Variants in CCDC85A observed in about 807,000 individuals in gnomAD.
The protein encoded by CCDC85A is coiled-coil domain containing 85A.
CCDC85A carries 38 observed loss-of-function variants against 50.2 expected under a neutral mutation model. The ratio of observed to expected loss-of-function variants is 0.76; its 90% CI spans 0.58 to 0.99. The LOEUF (loss-of-function observed/expected upper bound fraction) is 0.99, where lower values mean the gene tolerates loss of function less well. Among genes scored for constraint, CCDC85A ranks in the 50% least tolerant of loss-of-function variants. CCDC85A has a pLI of 0.00. For synonymous variants in CCDC85A, 366 were observed against 301.4 expected, an observed-to-expected ratio of 1.21 and a Z score of -2.22; for missense variants, 820 against 742.0, an observed-to-expected ratio of 1.11 and a Z score of -1.22.
chr2:56,384,031 T>A (rs973598751), intron 5 of CCDC85A, among the ~76,000 whole-genome samples: 1 of 151,848 alleles, frequency 6.6e-6, no homozygotes, highest in Non-Finnish European at 1.5e-5. Flanking sequence ...ATACATCATT[T>A]TAAAATTTTG....
intron 3 of CCDC85A, among the ~76,000 whole-genome samples, chr2:56,352,517 T>G (rs1427668704): frequency 6.6e-6 from 1 of 152,150 alleles, no homozygotes; most frequent in Non-Finnish European, 1.5e-5. Flanking sequence ...AGCTAATTTT[T>G]GCATTTTTAA....
At chr2:56,248,459 C>T (rs1167782766) in intron 2 of CCDC85A, among the ~76,000 whole-genome samples, 1 of 152,136 alleles carries the variant, frequency 6.6e-6, no homozygotes, top group Non-Finnish European at 1.5e-5. Context: ...CCTTCCTGTG[C>T]TGTCTTCTCT....
intron 2 of CCDC85A, among the ~76,000 whole-genome samples, chr2:56,279,793 C>G (rs912087197): frequency 6.6e-6 from 1 of 152,164 alleles, no homozygotes; most frequent in East Asian, 1.9e-4. Flanking sequence ...AATGACTGAG[C>G]AATATTCCAT....
At chr2:56,201,636 G>A (rs757968657) in intron 2 of CCDC85A, among the ~76,000 whole-genome samples, 6 of 152,018 alleles carry the variant, frequency 3.9e-5, no homozygotes, top group South Asian at 4.1e-4. Flanking sequence ...GCTTTTGGGG[G>A]CATGGTTTGT....
chr2:56,190,986 T>G (rs1369948903), intron 1 of CCDC85A, among the ~76,000 whole-genome samples: 1 of 152,166 alleles, frequency 6.6e-6, no homozygotes, highest in Non-Finnish European at 1.5e-5. Flanking sequence ...CCCTGATGCC[T>G]CTCAGACCCC....
chr2:56,303,893 A>G (rs2104199783), intron 2 of CCDC85A, among the ~76,000 whole-genome samples: 1 of 152,294 alleles, frequency 6.6e-6, no homozygotes, highest in South Asian at 2.1e-4. Flanking sequence ...GTTAGGAGCT[A>G]ACGGTCTGCA....
Position 56,193,236 on chromosome 2 carries a change from G to T in CCDC85A, c.1036G>T (p.Gly346Trp). 3 of 1,613,272 alleles carry T rather than the reference G, an allele frequency of 1.9e-6. No homozygotes were observed. Among genetic ancestry groups the T allele is most frequent in the Non-Finnish European group, 1.7e-6 (2 of 1,179,672 alleles). The change falls in exon 2 of 6, where the codon GGG becomes TGG. Residue 346 changes from glycine to tryptophan, a missense_variant. Physicochemically the swap from Gly to Trp is radical, Grantham distance 184. Transcript: ENST00000407595. ...PEHLQKHALG[G>W]SLEHLPRARG... ...GCATCTTCAGAAACACGCTCTTGGG[G>T]GGAGCCTAGAGCATCTCCCCAGAGC...
intron 2 of CCDC85A, among the ~76,000 whole-genome samples, chr2:56,329,401 A>G (rs963819239): frequency 3.9e-5 from 6 of 152,290 alleles, no homozygotes; most frequent in Admixed American, 6.5e-5. Flanking sequence ...TTATTTTTCA[A>G]TGGAGTACCC....
intron 2 of CCDC85A, among the ~76,000 whole-genome samples, chr2:56,254,609 G>T (rs374277140): frequency 6.6e-6 from 1 of 152,080 alleles, no homozygotes; most frequent in African/African-American, 2.4e-5. Flanking sequence ...ACTAAAATAC[G>T]CATGGTGTCC....
intron 2 of CCDC85A, among the ~76,000 whole-genome samples, chr2:56,219,885 TA>T (rs1668245606): frequency 1.3e-5 from 2 of 151,974 alleles, no homozygotes; most frequent in African/African-American, 4.8e-5. Context: ...TTCATGACAC[TA>T]AAATATAGTA....
At chr2:56,221,936 G>A (rs1262885938) in intron 2 of CCDC85A, among the ~76,000 whole-genome samples, 1 of 152,068 alleles carries the variant, frequency 6.6e-6, no homozygotes, top group African/African-American at 2.4e-5. Flanking sequence ...CATGGTATAA[G>A]GATAGAAGGG....
chr2:56,328,920 G>A (rs1388899906), intron 2 of CCDC85A, among the ~76,000 whole-genome samples: 1 of 151,972 alleles, frequency 6.6e-6, no homozygotes, highest in Non-Finnish European at 1.5e-5. Flanking sequence ...GTGCCATAAG[G>A]CAGCCAGAAT....
intron 3 of CCDC85A, among the ~76,000 whole-genome samples, chr2:56,346,857 A>G (rs1461367503): frequency 1.3e-5 from 2 of 152,232 alleles, no homozygotes; most frequent in Non-Finnish European, 1.5e-5. Flanking sequence ...CATAATACAC[A>G]TAATGCTAAG....
intron 2 of CCDC85A, among the ~76,000 whole-genome samples, chr2:56,282,396 T>C (rs1314356442): frequency 2.0e-5 from 3 of 152,358 alleles, no homozygotes; most frequent in Non-Finnish European, 2.9e-5. Context: ...TGAGGTCAAG[T>C]ATATATTAAA....
At chr2:56,382,994 T>TGTATAG (rs1676662333) in intron 5 of CCDC85A, among the ~76,000 whole-genome samples, 1 of 151,956 alleles carries the variant, frequency 6.6e-6, no homozygotes, top group African/African-American at 2.4e-5. Context: ...CTTTCCTAAG[T>TGTATAG]CTCTTGTGTA....
chr2:56,377,976 A>T (rs544100766), intron 5 of CCDC85A, among the ~76,000 whole-genome samples: 13 of 152,232 alleles, frequency 8.5e-5, no homozygotes, highest in African/African-American at 2.9e-4. Flanking sequence ...TTGGCAGATG[A>T]GTGATACTGA....
chr2:56,329,893 T>C (rs1218689284), intron 2 of CCDC85A, among the ~76,000 whole-genome samples: 1 of 140,986 alleles, frequency 7.1e-6, no homozygotes, highest in African/African-American at 2.5e-5. Context: ...TAAGAGAAAA[T>C]AACATATTTA....
At chr2:56,314,381 G>A (rs1456661714) in intron 2 of CCDC85A, among the ~76,000 whole-genome samples, 1 of 151,758 alleles carries the variant, frequency 6.6e-6, no homozygotes, top group African/African-American at 2.4e-5. Flanking sequence ...GCTTCTCTAG[G>A]CCTCAGTTTC....
At chr2:56,342,841 C>T (rs1429434939) in intron 2 of CCDC85A, 38 bp from the exon 3 acceptor site, 2 of 1,351,102 alleles carry the variant, frequency 1.5e-6, no homozygotes, top group African/African-American at 2.9e-5. Flanking sequence ...CAAACAAGAC[C>T]TGTGTGTATA....
Sources: gnomAD v4.1 joint callset for allele counts (sites outside exome capture counted in the v4.1 genomes callset) on GRCh38, gnomAD v4.1.1 for gene constraint, MANE v1.5 for transcripts, NCBI Gene and HGNC (gene_info 2026-07-23, HGNC 2026-07-21) for gene names.